Variants in SETD5 observed in about 807,000 individuals in gnomAD.
The protein encoded by SETD5 is histone-lysine N-methyltransferase SETD5.
SETD5 carries 44 observed loss-of-function variants against 153.3 expected under a neutral mutation model. The ratio of observed to expected loss-of-function variants is 0.29; its 90% CI spans 0.23 to 0.37. SETD5 has a LOEUF of 0.37. SETD5 is among the 10% of genes least tolerant of loss of function. The pLI is 1.00. For missense variants in SETD5, 1,544 were observed against 1,768.0 expected, an observed-to-expected ratio of 0.87 and a Z score of 2.27; for synonymous variants, 716 against 645.2, an observed-to-expected ratio of 1.11 and a Z score of -1.66.
At chr3:9,412,309 A>G (rs968470083) in intron 1 of SETD5, among the ~76,000 whole-genome samples, 2 of 151,876 alleles carry the variant, frequency 1.3e-5, no homozygotes, top group Non-Finnish European at 1.5e-5. Flanking sequence ...GGAAAGGACA[A>G]AATGGTACAC....
At chr3:9,402,866 A>C (rs563523207) in intron 1 of SETD5, among the ~76,000 whole-genome samples, 37 of 152,338 alleles carry the variant, frequency 2.4e-4, no homozygotes, top group African/African-American at 8.7e-4. Flanking sequence ...AGATGGAAGC[A>C]TGGGAGGAGC....
At chr3:9,472,269 A>G (rs1254434507) in intron 19 of SETD5, among the ~76,000 whole-genome samples, 3 of 152,240 alleles carry the variant, frequency 2.0e-5, no homozygotes, top group Non-Finnish European at 2.9e-5. Context: ...TTAAAGATAA[A>G]AAGCCAGATA....
chr3:9,433,812 T>C (rs767124930), intron 3 of SETD5, 33 bp from the exon 4 acceptor site: 19 of 1,595,804 alleles, frequency 1.2e-5, no homozygotes, highest in East Asian at 4.5e-5. Flanking sequence ...TTAGGTGTTA[T>C]GCTATCATGC....
intron 17 of SETD5, among the ~76,000 whole-genome samples, chr3:9,461,236 C>G (rs556801479): frequency 6.6e-6 from 1 of 151,950 alleles, no homozygotes; most frequent in African/African-American, 2.4e-5. Context: ...GCCATTTGTT[C>G]TAATAGCAAA....
At chr3:9,466,971 G>A (rs1459630678) in intron 18 of SETD5, among the ~76,000 whole-genome samples, 2 of 152,120 alleles carry the variant, frequency 1.3e-5, no homozygotes, top group East Asian at 3.9e-4. Context: ...TAAGACTGCA[G>A]TGAGCCATTA....
chr3:9,470,849 C>T lies in SETD5; in HGVS notation c.3115C>T (p.Arg1039Cys), dbSNP rs757367974. Reference protein sequence around the residue: ...YEHGLMKDLSRGSLSPGGERA... With the variant: ...YEHGLMKDLSCGSLSPGGERA... ...ACATGGCTTAATGAAAGACCTCTCT[C>T]GTGGATCCTTGTCACCTGGTGGTGA... The change falls in exon 19 of 23, where the codon CGT (arginine) becomes TGT (cysteine). Residue 1039 changes from arginine (R) to cysteine (C), a missense_variant. This residue lies in a region of SETD5 where 782 missense variants were observed against 787.2 expected (regional missense o/e 0.99). Transcript: ENST00000402198. 9 of 1,611,840 alleles carry T rather than the reference C, an allele frequency of 5.6e-6. No homozygotes were observed. In the African/African-American group the frequency reaches 8.0e-5, roughly 14 times the overall value.
At chr3:9,464,880 G>A in intron 18 of SETD5, 1 of 632,072 alleles carries the variant, frequency 1.6e-6, no homozygotes, top group Non-Finnish European at 2.7e-6. Context: ...TAGGCATACT[G>A]CTACCACAAA....
chr3:9,424,531 CTG>C lies in SETD5; in HGVS notation c.-117+6_-117+7del, dbSNP rs928306025. On this transcript the variant is annotated splice_donor_region_variant and intron_variant, in intron 2 of 22. Transcript: ENST00000402198. ...TATTCAGAAGTCTATATAAAGGTGA[CTG>C]ACCCAAGTAAATCCTTTTAATTTCT... 2 of 152,166 alleles carry C rather than the reference CTG, an allele frequency of 1.3e-5. No homozygotes were observed. The highest frequency in any genetic ancestry group is 6.5e-5 in the Admixed American group (1 of 15,276). 9.4% of individuals were successfully genotyped at this position (152,166 alleles called of 1,614,324 possible).
At chr3:9,399,677 C>G (rs2034428807) in intron 1 of SETD5, among the ~76,000 whole-genome samples, 1 of 152,218 alleles carries the variant, frequency 6.6e-6, no homozygotes, top group African/African-American at 2.4e-5. Context: ...TTAATCTTCA[C>G]TCCTAAACTG....
At chr3:9,418,998 T>A (rs377755356) in intron 1 of SETD5, among the ~76,000 whole-genome samples, 39 of 152,158 alleles carry the variant, frequency 2.6e-4, no homozygotes, top group African/African-American at 8.9e-4. Flanking sequence ...GGCTGATTTT[T>A]GTATTTTTAG....
chr3:9,409,079 T>C (rs945119329), intron 1 of SETD5, among the ~76,000 whole-genome samples: 3 of 152,272 alleles, frequency 2.0e-5, no homozygotes, highest in East Asian at 1.9e-4. Flanking sequence ...CTGAAGAAAA[T>C]CTGGCCTTGT....
At position 9,448,408 on chromosome 3, in the gene SETD5, G is replaced by A. The variant is rs1559438171; in HGVS notation, c.2124G>A (p.Leu708=). Residue 708 remains leucine (L), a synonymous_variant, in exon 16 of 23, where the codon TTG becomes TTA. Transcript: ENST00000402198. Reference sequence around the variant, plus strand: ...CTTAGTATCTAGTTACAGAATGGTTGAATGACAAAGCAGAGAAGCAAGAGT... The same window carrying A: ...CTTAGTATCTAGTTACAGAATGGTTAAATGACAAAGCAGAGAAGCAAGAGT... ...KTKKYLVTEW[L]NDKAEKQECP... is the part of the protein sequence containing the mutation. The A allele has an allele frequency of 6.2e-7, 1 of 1,613,908 alleles. No homozygotes were observed. Among genetic ancestry groups the A allele is most frequent in the Non-Finnish European group, 8.5e-7 (1 of 1,179,846 alleles).
Position 9,453,877 on chromosome 3 carries a change from C to G in SETD5, c.2476+9C>G. 1 of 1,543,614 alleles carries G rather than the reference C, an allele frequency of 6.5e-7. No individual in the cohort carries two copies. The highest frequency in any genetic ancestry group is 8.7e-7 in the Non-Finnish European group (1 of 1,151,636). ...CTGCAAAGACAATGCAGGTACGTAT[C>G]TAAAACCTTTCTGATTATATGACCA... On this transcript the variant is annotated intron_variant, in intron 17 of 22. Coordinates refer to ENST00000402198, the MANE Select transcript of SETD5 (RefSeq NM_001080517.3).
chr3:9,403,067 A>T (rs961546528), intron 1 of SETD5, among the ~76,000 whole-genome samples: 17 of 151,924 alleles, frequency 1.1e-4, no homozygotes, highest in African/African-American at 4.1e-4. Context: ...TTGGTGGGGG[A>T]GGGGCAGGAG....
At chr3:9,431,133 G>A (rs933108525) in intron 3 of SETD5, 1 of 985,376 alleles carries the variant, frequency 1.0e-6, no homozygotes, top group African/African-American at 1.7e-5. Context: ...TTTTAAATCT[G>A]ATGGCAACTA....
At chr3:9,403,272 A>C (rs2035112168) in intron 1 of SETD5, among the ~76,000 whole-genome samples, 1 of 152,096 alleles carries the variant, frequency 6.6e-6, no homozygotes. Context: ...AAAATAAATA[A>C]AGCTCTGTAT....
At chr3:9,474,912 C>G in intron 21 of SETD5, 156 bp from the exon 22 acceptor site, 1 of 659,300 alleles carries the variant, frequency 1.5e-6, no homozygotes. Flanking sequence ...TAATTAACCA[C>G]TCATTTTGCC....
intron 19 of SETD5, among the ~76,000 whole-genome samples, chr3:9,472,080 G>A (rs534736545): frequency 1.4e-4 from 21 of 152,300 alleles, no homozygotes; most frequent in Middle Eastern, 3.4e-3. Context: ...AGATTGTTGC[G>A]TGAACAGCAT....
rs6147703 is a variant in SETD5, at chr3:9,437,522, C to CGTGTGT, written c.567+1639_567+1644dup. Among the ~76,000 whole-genome samples the CGTGTGT allele has an allele frequency of 4.5e-3, 648 of 145,114 alleles. 5 individuals carry two copies. The highest frequency in any genetic ancestry group is 0.011 in the African/African-American group (414 of 38,738). ...TTATGCTGTCTGGTATCCTCCTTTA[C>CGTGTGT]GTGTGTGTGTGTGTGTGTGTGTGTG... is the stretch of plus-strand genomic sequence containing the variant. On this transcript the variant is annotated intron_variant, in intron 7 of 22. Transcript: ENST00000402198.
Sources: gnomAD v4.1 joint callset for allele counts (sites outside exome capture counted in the v4.1 genomes callset) on GRCh38, gnomAD v4.1.1 for gene constraint, gnomAD v4.1.1 regional missense constraint, MANE v1.5 for transcripts, NCBI Gene and HGNC (gene_info 2026-07-23, HGNC 2026-07-21) for gene names.